The following SDHA variants were observed in gnomAD, a reference collection of about 807,000 sequenced individuals.
SDHA encodes the protein succinate dehydrogenase [ubiquinone] flavoprotein subunit, mitochondrial.
Under a neutral mutation model 78.4 loss-of-function variants are expected in SDHA, and 48 were observed. The ratio of observed to expected loss-of-function variants is 0.61; its 90% CI spans 0.49 to 0.78. The LOEUF is 0.78. SDHA is among the 30% of genes least tolerant of loss of function. SDHA has a pLI of 0.00. For synonymous variants in SDHA, 326 were observed against 353.9 expected (o/e 0.92, Z 0.88); for missense variants, 680 against 892.7 (o/e 0.76, Z 3.04).
At chr5:237,943 C>T (rs1473326176) in intron 10 of SDHA, among the ~76,000 whole-genome samples, 5 of 136,042 alleles carry the variant, frequency 3.7e-5, no homozygotes, top group South Asian at 2.1e-4. Flanking sequence ...TTCCTGACGC[C>T]GCAGGTAGTG....
chr5:219,752 A>AAGCTAG (rs1171969783), intron 1 of SDHA, among the ~76,000 whole-genome samples: 4 of 152,308 alleles, frequency 2.6e-5, no homozygotes, highest in Admixed American at 2.6e-4. Flanking sequence ...GATTGGAGAA[A>AAGCTAG]AGCTAGAGCT....
At chr5:240,549 A>C (rs1038579664) in intron 11 of SDHA, 73 bp downstream of exon 11, 7 of 969,128 alleles carry the variant, frequency 7.2e-6, no homozygotes, top group African/African-American at 3.3e-5. Flanking sequence ...TTGTTTTTTA[A>C]AAACTAGATC....
chr5:234,307 T>G (rs1735615600), intron 8 of SDHA: 1 of 154,228 alleles, frequency 6.5e-6, no homozygotes. Context: ...TAGTCCCAGC[T>G]ACTCGGGAGG....
At chr5:251,179 T>G in intron 12 of SDHA, 76 bp downstream of exon 12, 1 of 1,553,064 alleles carries the variant, frequency 6.4e-7, no homozygotes, top group Non-Finnish European at 8.9e-7. Context: ...GTCCCGTCAG[T>G]GCTGACTTAG....
intron 11 of SDHA, among the ~76,000 whole-genome samples, chr5:248,241 C>T (rs13356800): frequency 0.24 from 36,571 of 151,776 alleles, 6,903 homozygotes; most frequent in African/African-American, 0.53. Flanking sequence ...GGGAGGATCC[C>T]GAGGACCCCT....
At position 237,868 on chromosome 5, in the gene SDHA, G is replaced by A. The variant is rs1365678891; in HGVS notation, c.1432+1269G>A. Among the ~76,000 whole-genome samples the A allele has an allele frequency of 3.6e-5, 5 of 137,044 alleles. No individual in the cohort carries two copies. In the East Asian group the frequency reaches 5.8e-4, roughly 16 times the overall value. 89.9% of individuals were successfully genotyped at this position (137,044 alleles called of 152,430 possible). ...ACCACCGCTCGGGAGGCCAGCACAC[G>A]CAGAGCTGGCGTCTCATCCCCAGCC... On this transcript the variant is annotated intron_variant, in intron 10 of 14. Coordinates refer to ENST00000264932, the MANE Select transcript of SDHA (RefSeq NM_004168.4).
intron 5 of SDHA, chr5:227,667 G>C (rs1386771951): frequency 4.6e-6 from 1 of 217,718 alleles, no homozygotes; most frequent in Non-Finnish European, 9.2e-6. Flanking sequence ...GCTGTCCGGC[G>C]CCTACCTTTC....
chr5:251,779 T>A, intron 13 of SDHA: 1 of 1,315,496 alleles, frequency 7.6e-7, no homozygotes, highest in Non-Finnish European at 9.9e-7. Flanking sequence ...AAATGCCAGT[T>A]TATTAAATAA....
the SDHA span, among the ~76,000 whole-genome samples, chr5:262,894 G>A: frequency 6.6e-6 from 1 of 152,164 alleles, no homozygotes; most frequent in African/African-American, 2.4e-5. Flanking sequence ...TCCTTAAAGT[G>A]TATTTTTGGT....
At position 228,333 on chromosome 5, in the gene SDHA, G is replaced by A. The variant is rs749566947; in HGVS notation, c.770G>A (p.Gly257Glu). Residue 257 changes from glycine to glutamate, a missense_variant and splice_region_variant, in exon 6 of 15, where the codon GGA becomes GAA. By Grantham distance (98) the Gly-to-Glu change is moderately conservative. Transcript: ENST00000264932. ...GCAAAGAACACTGTTGTTGCCACAG[G>A]GTAGGAATCTCATTTCTACTTTATT... is the stretch of plus-strand genomic sequence containing the variant. ...IRAKNTVVAT[G>E]GYGRTYFSCT... 1 of 1,613,286 alleles carries A rather than the reference G, an allele frequency of 6.2e-7. No individual in the cohort carries two copies. The highest frequency in any genetic ancestry group is 8.5e-7 in the Non-Finnish European group (1 of 1,179,420).
In SDHA at chr5:228,268, C is replaced by T. The variant is rs549892491; in HGVS notation, c.705C>T (p.Ile235=). 42 of 1,613,636 alleles carry T rather than the reference C, an allele frequency of 2.6e-5. No homozygotes were observed. Among genetic ancestry groups the T allele is most frequent in the Non-Finnish European group, 3.1e-5 (37 of 1,179,702 alleles). ...LMENGECRGV[I]ALCIEDGSIH... ...AGAATGGGGAGTGCCGTGGTGTCAT[C>T]GCACTGTGCATAGAGGACGGGTCCA... Residue 235 remains isoleucine (I), a synonymous_variant, in exon 6 of 15, where the codon ATC becomes ATT. Coordinates refer to ENST00000264932, the MANE Select transcript of SDHA (RefSeq NM_004168.4).
intron 14 of SDHA, 63 bp downstream of exon 14, chr5:254,569 G>C: frequency 6.7e-7 from 1 of 1,487,790 alleles, no homozygotes; most frequent in Non-Finnish European, 9.0e-7. Context: ...AGGCCTGCGG[G>C]CTGGCCTTGC....
intron 10 of SDHA, among the ~76,000 whole-genome samples, chr5:240,065 G>A (rs535990666): frequency 1.1e-4 from 16 of 152,178 alleles, no homozygotes; most frequent in Admixed American, 2.6e-4. Context: ...CACCGCACCC[G>A]GCCTACATTT....
intron 1 of SDHA, among the ~76,000 whole-genome samples, chr5:218,857 G>T (rs1734544017): frequency 6.6e-6 from 1 of 152,166 alleles, no homozygotes; most frequent in South Asian, 2.1e-4. Flanking sequence ...TGTGCGGGTT[G>T]TCCTGAGGAG....
intron 6 of SDHA, 134 bp from the exon 7 acceptor site, chr5:230,742 G>GT: frequency 1.7e-6 from 2 of 1,172,496 alleles, no homozygotes; most frequent in South Asian, 2.5e-5. Context: ...TGGGGTGTGC[G>GT]TGAGTAGGGG....
At chr5:246,184 C>T (rs1209594872) in intron 11 of SDHA, among the ~76,000 whole-genome samples, 4 of 151,982 alleles carry the variant, frequency 2.6e-5, no homozygotes, top group Middle Eastern at 3.4e-3. Context: ...TGCAGCCGAT[C>T]GAAAAGCAAG....
At chr5:249,932 C>A (rs1736709916) in intron 11 of SDHA, 2 of 152,140 alleles carry the variant, frequency 1.3e-5, no homozygotes, top group Admixed American at 1.3e-4. Flanking sequence ...AGATTTGTAT[C>A]TAAAAATCAG....
In SDHA at chr5:218,354, A is replaced by T. The variant is rs763680697; in HGVS notation, c.-2A>T. On this transcript the variant is annotated 5_prime_UTR_variant, in exon 1 of 15. Transcript: ENST00000264932. ...CGGGACTGCGCGGCGGCAACAGCAG[A>T]CATGTCGGGGGTCCGGGGCCTGTCG... 3.1e-5 allele frequency: 45 copies of T among 1,458,956 alleles called. No individual in the cohort carries two copies. The African/African-American group carries it at 5.6e-4, about 18-fold the overall frequency. The allele number at this position is 1,458,956 out of a possible 1,614,324, so 90.4% of individuals were successfully genotyped here. A position where few individuals can be genotyped will look rare whatever the true frequency, so the allele number is the denominator to read the frequency against.
intron 6 of SDHA, among the ~76,000 whole-genome samples, chr5:229,897 TGGTGGCCAGAGTTAACATTATACAGCAC>T (rs1350299500): frequency 8.5e-4 from 129 of 151,564 alleles, no homozygotes; most frequent in African/African-American, 3.0e-3. Context: ...TTATACAGCA[TGGTGGCCAGAGTTAACATTATACAGCAC>T]GGTGGCTAGA....
Sources: gnomAD v4.1 joint callset for allele counts (sites outside exome capture counted in the v4.1 genomes callset) on GRCh38, gnomAD v4.1.1 for gene constraint, MANE v1.5 for transcripts, NCBI Gene and HGNC (gene_info 2026-07-23, HGNC 2026-07-21) for gene names.